Variants in WFDC11 observed in about 807,000 individuals in gnomAD.
The protein encoded by WFDC11 is WAP four-disulfide core domain 11.
Under a neutral mutation model 9.9 loss-of-function variants are expected in WFDC11, and 9 were observed. The observed-to-expected ratio is 0.91, with a 90% CI of 0.55 to 1.58. The LOEUF (loss-of-function observed/expected upper bound fraction) is 1.58. WFDC11 is among the 40% of genes most tolerant of loss of function. The pLI, the probability that WFDC11 is intolerant of heterozygous loss-of-function variation, is 0.00. For missense variants in WFDC11, 106 were observed against 101.7 expected (o/e 1.04, Z -0.18); for synonymous variants, 32 against 33.3 (o/e 0.96, Z 0.13).
At chr20:45,650,280 A>C (rs1982776909) in intron 3 of WFDC11, among the ~76,000 whole-genome samples, 1 of 152,132 alleles carries the variant, frequency 6.6e-6, no homozygotes, top group African/African-American at 2.4e-5. Context: ...AGAGAGAGAG[A>C]TAGACAGATA....
At chr20:45,652,009 G>A (rs928705913) in intron 2 of WFDC11, among the ~76,000 whole-genome samples, 2 of 152,352 alleles carry the variant, frequency 1.3e-5, no homozygotes, top group South Asian at 4.1e-4. Flanking sequence ...ACCTCTGGGG[G>A]AGGGCATTGC....
In WFDC11 at chr20:45,648,570, A is replaced by G. The variant is rs1417987340; in HGVS notation, c.*149T>C. The stretch of plus-strand genomic sequence containing the variant: ...GAAAAAAGGCAAGGCCACTACTGGT[A>G]AATAAGTTTATTTGTCAAGTGTTTG... On this transcript the variant is annotated 3_prime_UTR_variant, in exon 5 of 5. Coordinates refer to ENST00000324384, the MANE Select transcript of WFDC11 (RefSeq NM_147197.2). 4.9e-6 allele frequency: 4 copies of G among 811,984 alleles called. No individual in the cohort carries two copies. The East Asian group carries it at 1.1e-4, about 22-fold the overall frequency. The allele number at this position is 811,984 out of a possible 1,614,324, so 50.3% of individuals were successfully genotyped here. A position where few individuals can be genotyped will look rare whatever the true frequency, so the allele number is the denominator to read the frequency against.
At chr20:45,660,659 C>T (rs904245221) in intron 2 of WFDC11, among the ~76,000 whole-genome samples, 166 of 152,014 alleles carry the variant, frequency 1.1e-3, no homozygotes, top group African/African-American at 3.6e-3. Flanking sequence ...AGTGAGAATA[C>T]GCGGTGTTTG....
chr20:45,667,257 C>A (rs1321355927), intron 1 of WFDC11, 88 bp from the exon 2 acceptor site: 1 of 152,202 alleles, frequency 6.6e-6, no homozygotes, highest in Non-Finnish European at 1.5e-5. Context: ...TAAGTTCTGT[C>A]CCAAACCATA....
intron 4 of WFDC11, among the ~76,000 whole-genome samples, chr20:45,648,984 G>C (rs1229641309): frequency 6.6e-6 from 1 of 152,132 alleles, no homozygotes; most frequent in Non-Finnish European, 1.5e-5. Flanking sequence ...TAGAAATCTG[G>C]ACAAATTTAG....
Position 45,650,485 on chromosome 20 carries a change from C to T in WFDC11, c.100+16G>A. 1.9e-6 allele frequency: 3 copies of T among 1,609,268 alleles called. No homozygotes were observed. Among genetic ancestry groups the T allele is most frequent in the South Asian group, 2.2e-5 (2 of 90,910 alleles). Reference sequence around the variant, plus strand: ...CATCCCCCTCCTGTGGCCCCTAATCCAGCCTCACCACCTACTGTCATATCT... The same window carrying T: ...CATCCCCCTCCTGTGGCCCCTAATCTAGCCTCACCACCTACTGTCATATCT... On this transcript the variant is annotated intron_variant, in intron 3 of 4. Coordinates refer to ENST00000324384, the MANE Select transcript of WFDC11 (RefSeq NM_147197.2).
chr20:45,652,534 C>T (rs1468718727), intron 2 of WFDC11, among the ~76,000 whole-genome samples: 3 of 152,166 alleles, frequency 2.0e-5, no homozygotes, highest in Admixed American at 6.5e-5. Context: ...GCCTCTCCTC[C>T]TCCAAAGGAA....
At chr20:45,669,762 C>T (rs1568665352) in intron 1 of WFDC11, among the ~76,000 whole-genome samples, 1 of 152,044 alleles carries the variant, frequency 6.6e-6, no homozygotes, top group Non-Finnish European at 1.5e-5. Flanking sequence ...CCTAGAGGAA[C>T]TTGAAAAACA....
intron 2 of WFDC11, among the ~76,000 whole-genome samples, chr20:45,654,365 G>A (rs1308712586): frequency 6.6e-6 from 1 of 152,180 alleles, no homozygotes; most frequent in Non-Finnish European, 1.5e-5. Context: ...CAGAAATAAA[G>A]ATGTTCTTTG....
intron 2 of WFDC11, among the ~76,000 whole-genome samples, chr20:45,654,861 A>T (rs1008127791): frequency 6.6e-6 from 1 of 152,146 alleles, no homozygotes; most frequent in Non-Finnish European, 1.5e-5. Flanking sequence ...TGACACCTAC[A>T]CCCTCCCAAG....
intron 2 of WFDC11, among the ~76,000 whole-genome samples, chr20:45,656,502 A>C: frequency 6.6e-6 from 1 of 152,162 alleles, no homozygotes. Context: ...AACCTAGGCA[A>C]TACCATTCAG....
At chr20:45,654,556 G>A (rs1406303993) in intron 2 of WFDC11, among the ~76,000 whole-genome samples, 1 of 152,092 alleles carries the variant, frequency 6.6e-6, no homozygotes, top group African/African-American at 2.4e-5. Flanking sequence ...TCAAAAGCTA[G>A]CAGAAGGCAA....
intron 1 of WFDC11, among the ~76,000 whole-genome samples, chr20:45,668,484 A>G (rs984926727): frequency 1.0e-5 from 1 of 97,082 alleles, no homozygotes; most frequent in Non-Finnish European, 2.1e-5. Context: ...TCTCCGTAGG[A>G]AAAAAAAAAG....
intron 3 of WFDC11, among the ~76,000 whole-genome samples, chr20:45,650,211 T>TACAC (rs142774065): frequency 0.011 from 1,703 of 150,580 alleles, 33 homozygotes; most frequent in East Asian, 0.051. Flanking sequence ...ATGGTATATA[T>TACAC]ACACACACAC....
intron 2 of WFDC11, among the ~76,000 whole-genome samples, chr20:45,660,585 T>G: frequency 6.6e-6 from 1 of 151,994 alleles, no homozygotes; most frequent in Non-Finnish European, 1.5e-5. Context: ...CCCACAACAG[T>G]CCCCAGAGTG....
intron 1 of WFDC11, among the ~76,000 whole-genome samples, chr20:45,668,002 A>G (rs111584960): frequency 3.3e-4 from 51 of 152,382 alleles, no homozygotes; most frequent in African/African-American, 1.0e-3. Flanking sequence ...TATTTTGCCA[A>G]TGCAGAAACT....
At chr20:45,667,952 A>G (rs1211147222) in intron 1 of WFDC11, among the ~76,000 whole-genome samples, 1 of 152,222 alleles carries the variant, frequency 6.6e-6, no homozygotes, top group African/African-American at 2.4e-5. Context: ...GTATTAACCA[A>G]TACTCTCAGT....
chr20:45,663,311 C>A lies in WFDC11; in HGVS notation c.-52+3777G>T, dbSNP rs373752336. Among the ~76,000 whole-genome samples, 5 of 152,174 alleles carry A rather than the reference C, an allele frequency of 3.3e-5. No individual in the cohort carries two copies. The South Asian group carries it at 1.0e-3, about 32-fold the overall frequency. On this transcript the variant is annotated intron_variant, in intron 2 of 4. Coordinates refer to ENST00000324384, the MANE Select transcript of WFDC11 (RefSeq NM_147197.2). ...TATTGCATCTATTTGATTCTTCTCT[C>A]TTTTTTTCTTTATTTGTCGCAATGC...
chr20:45,659,616 C>T (rs191061514), intron 2 of WFDC11, among the ~76,000 whole-genome samples: 9 of 152,266 alleles, frequency 5.9e-5, no homozygotes. Context: ...GATATTGGCC[C>T]TTTGTCAGAC....
Sources: gnomAD v4.1 joint callset for allele counts (sites outside exome capture counted in the v4.1 genomes callset) on GRCh38, gnomAD v4.1.1 for gene constraint, MANE v1.5 for transcripts, NCBI Gene and HGNC (gene_info 2026-07-23, HGNC 2026-07-21) for gene names.